GRM7: variants seen among roughly 807,000 people sequenced by gnomAD.
GRM7 encodes metabotropic glutamate receptor 7.
Under a neutral mutation model 84.5 loss-of-function variants are expected in GRM7, and 35 were observed. That is an observed-to-expected ratio of 0.41 (90% CI 0.32 to 0.55). The LOEUF (loss-of-function observed/expected upper bound fraction) is 0.55. GRM7 is among the 20% of genes least tolerant of loss of function. The pLI is 0.19. For synonymous variants in GRM7, 487 were observed against 455.1 expected (o/e 1.07, Z -0.89); for missense variants, 1,003 against 1,194.6 (o/e 0.84, Z 2.36).
At chr3:7,320,599 C>G (rs544321738) in intron 4 of GRM7, among the ~76,000 whole-genome samples, 126 of 151,546 alleles carry the variant, frequency 8.3e-4, no homozygotes, top group African/African-American at 3.0e-3. Context: ...CAGAGAGTAA[C>G]CTTCCTGCTT....
chr3:7,108,866 A>G (rs1009376544), intron 1 of GRM7, among the ~76,000 whole-genome samples: 2 of 152,022 alleles, frequency 1.3e-5, no homozygotes, highest in Non-Finnish European at 2.9e-5. Flanking sequence ...AAAGTTTCCA[A>G]TTTTCTCCTG....
intron 4 of GRM7, among the ~76,000 whole-genome samples, chr3:7,411,992 A>G (rs1305181547): frequency 7.1e-6 from 1 of 139,962 alleles, no homozygotes; most frequent in Non-Finnish European, 1.5e-5. Context: ...CCTTCCCAAC[A>G]TCACCTCTTT....
intron 1 of GRM7, among the ~76,000 whole-genome samples, chr3:6,997,973 G>C (rs1034598700): frequency 6.6e-6 from 1 of 151,512 alleles, no homozygotes; most frequent in Non-Finnish European, 1.5e-5. Context: ...TATAAAATTA[G>C]CTGGGTGTGG....
At chr3:7,533,948 A>T (rs1701141042) in intron 7 of GRM7, among the ~76,000 whole-genome samples, 1 of 151,938 alleles carries the variant, frequency 6.6e-6, no homozygotes, top group Admixed American at 6.6e-5. Context: ...CCATGCTCAT[A>T]CAGCAAACCA....
In GRM7 at chr3:7,567,807, A is replaced by T. The variant is rs1694390650; in HGVS notation, c.1516-10615A>T. 2.2e-5 allele frequency among the ~76,000 whole-genome samples: 3 copies of T among 139,516 alleles called. No individual in the cohort carries two copies. In the South Asian group the frequency reaches 7.7e-4, roughly 36 times the overall value. The allele number at this position is 139,516 out of a possible 152,430, so 91.5% of individuals were successfully genotyped here. A position where few individuals can be genotyped will look rare whatever the true frequency, so the allele number is the denominator to read the frequency against. ...AAAAGACACAACTCCAGGATGACTT[A>T]TATGCAAGGGTTTTTAAGGGCAGGG... On this transcript the variant is annotated intron_variant, in intron 7 of 9. Coordinates refer to ENST00000357716, the MANE Select transcript of GRM7 (RefSeq NM_000844.4).
At chr3:7,457,874 G>A (rs984182259) in intron 6 of GRM7, among the ~76,000 whole-genome samples, 1 of 152,148 alleles carries the variant, frequency 6.6e-6, no homozygotes, top group African/African-American at 2.4e-5. Flanking sequence ...TCAGACATGA[G>A]AGCCTCGAAT....
At chr3:7,535,046 A>G (rs974609253) in intron 7 of GRM7, among the ~76,000 whole-genome samples, 1 of 152,162 alleles carries the variant, frequency 6.6e-6, no homozygotes. Context: ...TGGGAGTATC[A>G]GGTGTTACAT....
intron 1 of GRM7, among the ~76,000 whole-genome samples, chr3:6,933,747 A>C (rs1402090231): frequency 6.9e-6 from 1 of 144,908 alleles, no homozygotes; most frequent in Non-Finnish European, 1.5e-5. Flanking sequence ...AAAAAAAAAA[A>C]CAAAACAAAA....
At chr3:7,410,554 A>G (rs1366096169) in intron 4 of GRM7, among the ~76,000 whole-genome samples, 1 of 151,250 alleles carries the variant, frequency 6.6e-6, no homozygotes, top group Non-Finnish European at 1.5e-5. Flanking sequence ...GCCTGGGGAC[A>G]GAGAAAGACC....
intron 1 of GRM7, among the ~76,000 whole-genome samples, chr3:7,092,821 T>C (rs187846588): frequency 1.5e-4 from 23 of 152,324 alleles, no homozygotes; most frequent in Admixed American, 1.4e-3. Context: ...CCTTGGCTCA[T>C]GCCTGTAATC....
chr3:7,391,449 T>C (rs944295575), intron 4 of GRM7, among the ~76,000 whole-genome samples: 9 of 152,062 alleles, frequency 5.9e-5, no homozygotes, highest in African/African-American at 1.9e-4. Flanking sequence ...CTGAGCAAAC[T>C]ATCACAAGGA....
At chr3:7,402,341 G>A (rs1162498603) in intron 4 of GRM7, among the ~76,000 whole-genome samples, 1 of 152,148 alleles carries the variant, frequency 6.6e-6, no homozygotes, top group East Asian at 1.9e-4. Flanking sequence ...TTGTCTAAAA[G>A]TGTAAGAGGT....
At chr3:7,333,882 A>C in intron 4 of GRM7, among the ~76,000 whole-genome samples, 1 of 152,054 alleles carries the variant, frequency 6.6e-6, no homozygotes, top group Admixed American at 6.6e-5. Flanking sequence ...CTCGAAGACA[A>C]GGCTTTTGAA....
chr3:7,076,843 G>A (rs1698099255), intron 1 of GRM7, among the ~76,000 whole-genome samples: 1 of 152,056 alleles, frequency 6.6e-6, no homozygotes, highest in Non-Finnish European at 1.5e-5. Context: ...CTGACAAAGG[G>A]CTACTATCCA....
At chr3:7,601,026 C>T (rs76407679) in intron 8 of GRM7, among the ~76,000 whole-genome samples, 3 of 152,226 alleles carry the variant, frequency 2.0e-5, no homozygotes, top group Non-Finnish European at 4.4e-5. Context: ...TTTGCCCTGC[C>T]ATGGAGTCTT....
intron 1 of GRM7, among the ~76,000 whole-genome samples, chr3:6,889,389 A>G (rs1695840370): frequency 6.6e-6 from 1 of 151,996 alleles, no homozygotes; most frequent in South Asian, 2.1e-4. Context: ...AGCTCTTATT[A>G]TTTTGAGATA....
At chr3:7,608,012 C>T in intron 8 of GRM7, 1 of 328,520 alleles carries the variant, frequency 3.0e-6, no homozygotes, top group Non-Finnish European at 6.4e-6. Context: ...CATCAGTTTG[C>T]TAAGGATAAC....
intron 2 of GRM7, among the ~76,000 whole-genome samples, chr3:7,160,542 C>G (rs1253625912): frequency 1.3e-5 from 2 of 152,046 alleles, no homozygotes; most frequent in Non-Finnish European, 2.9e-5. Context: ...TTTTAAGGGC[C>G]TCAGTTTGCT....
intron 3 of GRM7, among the ~76,000 whole-genome samples, chr3:7,302,589 A>G (rs1205712227): frequency 6.6e-6 from 1 of 152,102 alleles, no homozygotes; most frequent in Non-Finnish European, 1.5e-5. Flanking sequence ...ATATGATTCT[A>G]TGCTTTTAAC....
Sources: allele counts gnomAD v4.1 joint callset (sites outside exome capture counted in the v4.1 genomes callset), GRCh38; gene constraint gnomAD v4.1.1; transcripts MANE v1.5; gene names NCBI Gene and HGNC (gene_info 2026-07-23, HGNC 2026-07-21).